Variants in PTPN13 observed in about 807,000 individuals in gnomAD.
The protein encoded by PTPN13 is tyrosine-protein phosphatase non-receptor type 13.
PTPN13 carries 191 observed loss-of-function variants against 284.0 expected under a neutral mutation model. The ratio of observed to expected loss-of-function variants is 0.67; its 90% CI spans 0.60 to 0.76. The LOEUF is 0.76. PTPN13 is among the 30% of genes least tolerant of loss of function. The pLI is 0.00. For missense variants in PTPN13, 2,797 were observed against 2,939.9 expected (o/e 0.95, Z 1.12); for synonymous variants, 986 against 1,022.3 (o/e 0.96, Z 0.68).
chr4:86,687,142 T>G (rs1205324239), intron 4 of PTPN13, among the ~76,000 whole-genome samples: 2 of 152,238 alleles, frequency 1.3e-5, no homozygotes, highest in Non-Finnish European at 2.9e-5. Flanking sequence ...GATGATTCAT[T>G]CTACTGAATG....
intron 5 of PTPN13, among the ~76,000 whole-genome samples, chr4:86,691,086 G>T (rs1391316517): frequency 6.6e-6 from 1 of 152,078 alleles, no homozygotes; most frequent in Admixed American, 6.5e-5. Context: ...TTGAAGCTGA[G>T]CATGGTGATG....
At chr4:86,702,639 G>A (rs1038033398) in intron 7 of PTPN13, among the ~76,000 whole-genome samples, 1 of 152,098 alleles carries the variant, frequency 6.6e-6, no homozygotes, top group Admixed American at 6.6e-5. Context: ...ATGTTGATTG[G>A]AGTAAAATTA....
chr4:86,677,288 A>G (rs1382739313), intron 3 of PTPN13, among the ~76,000 whole-genome samples: 6 of 150,796 alleles, frequency 4.0e-5, no homozygotes, highest in Admixed American at 4.0e-4. Flanking sequence ...ACAACAAAAT[A>G]TATACTTAAA....
chr4:86,789,341 A>C (rs1048424342), intron 40 of PTPN13, among the ~76,000 whole-genome samples: 1 of 152,082 alleles, frequency 6.6e-6, no homozygotes, highest in East Asian at 1.9e-4. Flanking sequence ...ACTTTTAGTG[A>C]CTCTCCATCA....
At chr4:86,726,980 A>ATT (rs1734339941) in intron 10 of PTPN13, among the ~76,000 whole-genome samples, 1 of 149,448 alleles carries the variant, frequency 6.7e-6, no homozygotes, top group African/African-American at 2.4e-5. Flanking sequence ...ATTTTGAAGT[A>ATT]AGTTCCACCA....
intron 9 of PTPN13, among the ~76,000 whole-genome samples, 185 bp downstream of exon 9, chr4:86,717,302 C>T (rs770214930): frequency 1.3e-5 from 2 of 150,722 alleles, no homozygotes; most frequent in Non-Finnish European, 2.9e-5. Context: ...AATTCTTTTG[C>T]CTCAGTCTCC....
At chr4:86,664,698 G>A (rs1293758960) in intron 2 of PTPN13, among the ~76,000 whole-genome samples, 1 of 152,074 alleles carries the variant, frequency 6.6e-6, no homozygotes, top group Non-Finnish European at 1.5e-5. Context: ...TTTATTGATG[G>A]TAAGCATAAA....
intron 42 of PTPN13, 89 bp from the exon 43 acceptor site, chr4:86,803,620 G>A: frequency 7.6e-7 from 1 of 1,320,906 alleles, no homozygotes; most frequent in South Asian, 1.3e-5. Flanking sequence ...TTTCCCTTTT[G>A]TAAGATGAGG....
intron 5 of PTPN13, 72 bp from the exon 6 acceptor site, chr4:86,693,515 C>A: frequency 1.1e-6 from 1 of 941,508 alleles, no homozygotes; most frequent in Non-Finnish European, 1.6e-6. Flanking sequence ...TAGTGTCATT[C>A]TGTAAACAGT....
At chr4:86,730,976 A>G (rs1402135332) in intron 10 of PTPN13, among the ~76,000 whole-genome samples, 1 of 152,140 alleles carries the variant, frequency 6.6e-6, no homozygotes, top group Non-Finnish European at 1.5e-5. Flanking sequence ...CTTGTTTAAA[A>G]TGTGTCCTAT....
chr4:86,596,055 A>G (rs1305938795), intron 1 of PTPN13, among the ~76,000 whole-genome samples: 1 of 152,206 alleles, frequency 6.6e-6, no homozygotes, highest in Non-Finnish European at 1.5e-5. Flanking sequence ...GTAAATTTAT[A>G]CAGAGGCGCA....
At chr4:86,652,575 G>A (rs1374589464) in intron 2 of PTPN13, among the ~76,000 whole-genome samples, 1 of 152,094 alleles carries the variant, frequency 6.6e-6, no homozygotes, top group African/African-American at 2.4e-5. Context: ...TTTTGAATGG[G>A]TCATTCCATT....
chr4:86,712,406 G>A (rs1448276235), intron 7 of PTPN13, among the ~76,000 whole-genome samples: 2 of 151,256 alleles, frequency 1.3e-5, no homozygotes, highest in Admixed American at 6.6e-5. Flanking sequence ...CATGGAAAAT[G>A]TGCCTCTCCA....
At chr4:86,646,290 A>ATTTT (rs772882076) in intron 2 of PTPN13, among the ~76,000 whole-genome samples, 2 of 132,860 alleles carry the variant, frequency 1.5e-5, no homozygotes, top group Non-Finnish European at 1.6e-5. Context: ...AATATTTGCA[A>ATTTT]TTTTTTTTTT....
rs753674864 is a variant in PTPN13, at chr4:86,803,865, G to C, written c.6654+8G>C. ...CCTTCTAAGGAGCTGGAGGTAAGTGGCTTCTGCCAATGATTCTCTCCCAAA... is the reference window on the plus strand; with the variant it reads ...CCTTCTAAGGAGCTGGAGGTAAGTGCCTTCTGCCAATGATTCTCTCCCAAA... On this transcript the variant is annotated splice_region_variant and intron_variant, in intron 43 of 47. Coordinates refer to ENST00000411767, the MANE Select transcript of PTPN13 (RefSeq NM_080683.3). 1 of 1,612,296 alleles carries C rather than the reference G, an allele frequency of 6.2e-7. No homozygotes were observed. The highest frequency in any genetic ancestry group is 1.7e-5 in the Admixed American group (1 of 59,974).
intron 1 of PTPN13, among the ~76,000 whole-genome samples, chr4:86,610,155 G>A (rs1373324959): frequency 2.0e-5 from 3 of 151,750 alleles, no homozygotes; most frequent in African/African-American, 4.8e-5. Flanking sequence ...CAGAGGTTGC[G>A]GTGAGCCAAG....
intron 19 of PTPN13, among the ~76,000 whole-genome samples, chr4:86,752,794 A>G (rs2149214146): frequency 6.6e-6 from 1 of 152,290 alleles, no homozygotes; most frequent in East Asian, 1.9e-4. Context: ...GAAACAATAT[A>G]TTTGTGTTTA....
chr4:86,745,132 A>T lies in PTPN13; in HGVS notation c.2650+4A>T. On this transcript the variant is annotated splice_donor_region_variant and intron_variant, in intron 17 of 47. Coordinates refer to ENST00000411767, the MANE Select transcript of PTPN13 (RefSeq NM_080683.3). ...AACCAAGATGCCCAAGATATTGGTA[A>T]GGAGAAGCAGACTATTTCAGATGAC... The T allele has an allele frequency of 6.2e-7, 1 of 1,601,400 alleles. No individual in the cohort carries two copies. Among genetic ancestry groups the T allele is most frequent in the African/African-American group, 1.3e-5 (1 of 74,424 alleles).
rs776909849 is a variant in PTPN13, at chr4:86,784,559, G to T, written c.6118+1G>T. The T allele has an allele frequency of 1.1e-5, 17 of 1,595,296 alleles. No individual in the cohort carries two copies. The highest frequency in any genetic ancestry group is 1.5e-5 in the Non-Finnish European group (17 of 1,170,610). ...TCACCAAACTTGACTCTGCCCAAAG[G>T]TAGTTTTCCAAATCAGTCATCTAAT... On this transcript the variant is annotated splice_donor_variant, in intron 38 of 47. Coordinates refer to ENST00000411767, the MANE Select transcript of PTPN13 (RefSeq NM_080683.3). LOFTEE classifies it high-confidence loss of function.
Sources: gnomAD v4.1 joint callset for allele counts (sites outside exome capture counted in the v4.1 genomes callset) on GRCh38, gnomAD v4.1.1 for gene constraint, MANE v1.5 for transcripts, NCBI Gene and HGNC (gene_info 2026-07-23, HGNC 2026-07-21) for gene names.